The following GRID2 variants were observed in gnomAD, a reference collection of about 807,000 sequenced individuals.
The protein encoded by GRID2 is glutamate receptor ionotropic, delta-2.
Under a neutral mutation model 114.8 loss-of-function variants are expected in GRID2, and 33 were observed. The observed-to-expected ratio is 0.29, with a 90% CI of 0.22 to 0.38. The LOEUF is 0.38. Among genes scored for constraint, GRID2 ranks in the 10% least tolerant of loss-of-function variants. The pLI is 1.00. For missense variants in GRID2, 1,184 were observed against 1,257.7 expected, an observed-to-expected ratio of 0.94 and a Z score of 0.89; for synonymous variants, 505 against 449.9, an observed-to-expected ratio of 1.12 and a Z score of -1.55.
chr4:93,694,038 T>C (rs2110121387), intron 14 of GRID2, among the ~76,000 whole-genome samples: 1 of 152,246 alleles, frequency 6.6e-6, no homozygotes, highest in East Asian at 1.9e-4. Context: ...AGGATTTTAG[T>C]CAAAAGGTAG....
rs559661798 is a variant in GRID2 at position 93,428,453 on chromosome 4, G to A, written c.1545+5485G>A. ...TTTATAGACACTGAATCCATAGATC[G>A]TATACTAATTGAATCATGACTCAAT... is the stretch of plus-strand genomic sequence containing the variant. On this transcript the variant is annotated intron_variant, in intron 10 of 15. Coordinates refer to ENST00000282020, the MANE Select transcript of GRID2 (RefSeq NM_001510.4). 1.3e-4 allele frequency among the ~76,000 whole-genome samples: 20 copies of A among 151,958 alleles called. No homozygotes were observed. In the South Asian group the frequency reaches 3.3e-3, roughly 25 times the overall value.
intron 8 of GRID2, among the ~76,000 whole-genome samples, chr4:93,390,547 A>C (rs1276338974): frequency 2.0e-5 from 3 of 152,306 alleles, no homozygotes; most frequent in African/African-American, 7.2e-5. Flanking sequence ...AGCACACGCA[A>C]AGTAAGTGTT....
intron 2 of GRID2, among the ~76,000 whole-genome samples, chr4:92,832,486 C>T (rs201640594): frequency 2.6e-5 from 4 of 151,972 alleles, no homozygotes; most frequent in East Asian, 3.9e-4. Flanking sequence ...CTCCGCCTCC[C>T]GGGTTCAAGC....
At chr4:93,079,566 A>C (rs975046619) in intron 2 of GRID2, among the ~76,000 whole-genome samples, 1 of 151,986 alleles carries the variant, frequency 6.6e-6, no homozygotes, top group Non-Finnish European at 1.5e-5. Context: ...TTTGAACCCC[A>C]ACTCTGCCAT....
chr4:93,802,400 G>C (rs1459095285), intron 1 of GRID2, among the ~76,000 whole-genome samples: 1 of 151,932 alleles, frequency 6.6e-6, no homozygotes, highest in African/African-American at 2.4e-5. Context: ...GTGTGAGTGT[G>C]TGTGTGTGAC....
intron 11 of GRID2, among the ~76,000 whole-genome samples, chr4:93,461,150 G>A (rs1723705461): frequency 6.6e-6 from 1 of 152,146 alleles, no homozygotes; most frequent in Admixed American, 6.5e-5. Flanking sequence ...GAGTTGCACA[G>A]CCTGCAGGTT....
At chr4:92,563,798 C>A (rs1159976943) in intron 1 of GRID2, among the ~76,000 whole-genome samples, 2 of 152,044 alleles carry the variant, frequency 1.3e-5, no homozygotes, top group Non-Finnish European at 2.9e-5. Flanking sequence ...CTAGTTCCAA[C>A]CTACTCAGTT....
chr4:93,193,724 G>A (rs187011459), intron 4 of GRID2, among the ~76,000 whole-genome samples: 11 of 152,294 alleles, frequency 7.2e-5, no homozygotes, highest in African/African-American at 2.6e-4. Flanking sequence ...AAATAGAGAT[G>A]TATGCTAACT....
intron 1 of GRID2, among the ~76,000 whole-genome samples, chr4:92,318,541 G>A (rs1161730741): frequency 8.4e-6 from 1 of 118,860 alleles, no homozygotes; most frequent in East Asian, 2.7e-4. Flanking sequence ...TTGAGACAGA[G>A]TCTCACTCTG....
rs1725268053 is a variant in GRID2 at position 92,304,361 on chromosome 4, G to C, written c.-296G>C. The C allele has an allele frequency of 2.4e-6, 1 of 422,594 alleles. No individual in the cohort carries two copies. Among genetic ancestry groups the C allele is most frequent in the South Asian group, 2.2e-5 (1 of 44,602 alleles). The allele number at this position is 422,594 out of a possible 1,614,324, so 26.2% of individuals were successfully genotyped here. ...AGCCCCAGCCTCTCCCCCTGCCCAA[G>C]AGCAGTAGAGGCTGGATATATTTTT... On this transcript the variant is annotated 5_prime_UTR_variant, in exon 1 of 16. Coordinates refer to ENST00000282020, the MANE Select transcript of GRID2 (RefSeq NM_001510.4).
intron 4 of GRID2, among the ~76,000 whole-genome samples, chr4:93,201,433 G>GT (rs1369790069): frequency 1.3e-5 from 2 of 152,182 alleles, no homozygotes; most frequent in African/African-American, 2.4e-5. Context: ...TTGTTCCAGC[G>GT]TATCTGCTGG....
chr4:92,325,120 T>G (rs1726527219), intron 1 of GRID2, among the ~76,000 whole-genome samples: 1 of 151,966 alleles, frequency 6.6e-6, no homozygotes, highest in South Asian at 2.1e-4. Flanking sequence ...TAGATGTTAC[T>G]AATCTTGGAG....
chr4:93,292,301 A>G (rs1018948094), intron 8 of GRID2, among the ~76,000 whole-genome samples: 3 of 152,140 alleles, frequency 2.0e-5, no homozygotes, highest in African/African-American at 7.2e-5. Flanking sequence ...CTTGCACATT[A>G]TCTATGCTCT....
intron 8 of GRID2, among the ~76,000 whole-genome samples, chr4:93,347,727 A>G (rs923660926): frequency 6.6e-6 from 1 of 152,124 alleles, no homozygotes; most frequent in Non-Finnish European, 1.5e-5. Flanking sequence ...CATTCTACAT[A>G]TGGGGAAACT....
chr4:92,421,528 C>G (rs1314184537), intron 1 of GRID2, among the ~76,000 whole-genome samples: 2 of 152,102 alleles, frequency 1.3e-5, no homozygotes, highest in East Asian at 3.9e-4. Context: ...CAGTTAGAAG[C>G]TTTTGACCCT....
At chr4:92,952,913 G>A (rs1258231779) in intron 2 of GRID2, among the ~76,000 whole-genome samples, 1 of 152,164 alleles carries the variant, frequency 6.6e-6, no homozygotes, top group Non-Finnish European at 1.5e-5. Flanking sequence ...AGTCAGCAGA[G>A]GTATGCTGCC....
At position 92,536,475 on chromosome 4, in the gene GRID2, T is replaced by C. The variant is rs192257049; in HGVS notation, c.89-53656T>C. Among the ~76,000 whole-genome samples the C allele has an allele frequency of 5.5e-3, 840 of 152,218 alleles. 5 individuals carry two copies. The highest frequency in any genetic ancestry group is 0.019 in the African/African-American group (798 of 41,532). Reference sequence around the variant, plus strand: ...CTACCCTGTAGAATTTAAATTAATATCCTATAAATACTGATAACTCTCCCA... The same window carrying C: ...CTACCCTGTAGAATTTAAATTAATACCCTATAAATACTGATAACTCTCCCA... On this transcript the variant is annotated intron_variant, in intron 1 of 15. Coordinates refer to ENST00000282020, the MANE Select transcript of GRID2 (RefSeq NM_001510.4).
chr4:93,071,083 G>A (rs376270090), intron 2 of GRID2, among the ~76,000 whole-genome samples: 2 of 152,036 alleles, frequency 1.3e-5, no homozygotes, highest in East Asian at 1.9e-4. Context: ...CATAGGGAAT[G>A]CCAAACAACA....
chr4:92,771,680 T>A (rs542132912), intron 2 of GRID2, among the ~76,000 whole-genome samples: 1 of 152,200 alleles, frequency 6.6e-6, no homozygotes, highest in Non-Finnish European at 1.5e-5. Context: ...AGAATTCCCT[T>A]AATTAGTTTA....
Sources: gnomAD v4.1 joint callset for allele counts (sites outside exome capture counted in the v4.1 genomes callset) on GRCh38, gnomAD v4.1.1 for gene constraint, MANE v1.5 for transcripts, NCBI Gene and HGNC (gene_info 2026-07-23, HGNC 2026-07-21) for gene names.